Variants in HDAC9 observed in about 807,000 individuals in gnomAD.
HDAC9 encodes the protein MEF-2 interacting transcription repressor (MITR) protein.
In HDAC9, 41 loss-of-function variants were observed where a neutral mutation model predicts 139.4. That is an observed-to-expected ratio of 0.29 (90% CI 0.23 to 0.38). The LOEUF (loss-of-function observed/expected upper bound fraction) is 0.38. Ranked by LOEUF, HDAC9 falls within the 10% of genes least tolerant of loss-of-function variation. The probability of loss-of-function intolerance (pLI) is 1.00; values close to 1 mark genes in which losing one functional copy is unlikely to be tolerated. For missense variants in HDAC9, 1,147 were observed against 1,297.0 expected, an observed-to-expected ratio of 0.88 and a Z score of 1.78; for synonymous variants, 517 against 476.2, an observed-to-expected ratio of 1.09 and a Z score of -1.12.
At chr7:18,197,383 T>G (rs889068429) in intron 2 of HDAC9, among the ~76,000 whole-genome samples, 5 of 152,120 alleles carry the variant, frequency 3.3e-5, no homozygotes, top group African/African-American at 1.2e-4. Flanking sequence ...GGCAGTCAAT[T>G]TTGATGGAAA....
At chr7:18,840,216 A>G (rs1220755595) in intron 21 of HDAC9, among the ~76,000 whole-genome samples, 2 of 152,094 alleles carry the variant, frequency 1.3e-5, no homozygotes, top group Non-Finnish European at 2.9e-5. Context: ...GAAAGGTCAT[A>G]GAGCTCTTGA....
At chr7:18,723,700 A>T (rs1464020690) in intron 12 of HDAC9, among the ~76,000 whole-genome samples, 2 of 151,828 alleles carry the variant, frequency 1.3e-5, no homozygotes, top group African/African-American at 4.8e-5. Context: ...AAGTAGAACA[A>T]TACTTACTTA....
intron 2 of HDAC9, among the ~76,000 whole-genome samples, chr7:18,207,431 G>C (rs1244666420): frequency 1.3e-5 from 2 of 151,156 alleles, no homozygotes; most frequent in East Asian, 3.9e-4. Context: ...AATAAAGATA[G>C]GTTCTCACTC....
chr7:18,757,590 A>G (rs1788993080), intron 14 of HDAC9, among the ~76,000 whole-genome samples: 1 of 152,188 alleles, frequency 6.6e-6, no homozygotes, highest in South Asian at 2.1e-4. Flanking sequence ...TATTTTACAA[A>G]AGGTTCTGAT....
At chr7:18,381,086 C>G (rs774400815) in intron 1 of HDAC9, among the ~76,000 whole-genome samples, 1 of 149,020 alleles carries the variant, frequency 6.7e-6, no homozygotes, top group Non-Finnish European at 1.5e-5. Flanking sequence ...TAGTCCTGCA[C>G]TACTGGGGAG....
chr7:18,775,804 T>C (rs955412096), intron 16 of HDAC9, among the ~76,000 whole-genome samples: 5 of 152,144 alleles, frequency 3.3e-5, no homozygotes, highest in Admixed American at 2.6e-4. Flanking sequence ...TGGGAGTTCA[T>C]AGGACTAAGG....
chr7:18,359,345 C>CTAAAA (rs1040477565), intron 1 of HDAC9, among the ~76,000 whole-genome samples: 1 of 152,016 alleles, frequency 6.6e-6, no homozygotes, highest in South Asian at 2.1e-4. Flanking sequence ...GAGACTCTGT[C>CTAAAA]TAAAATAAAA....
chr7:18,792,864 A>T lies in HDAC9; in HGVS notation c.2215-481A>T, dbSNP rs146428982. On this transcript the variant is annotated intron_variant, in intron 16 of 25. Coordinates refer to ENST00000686413, the MANE Select transcript of HDAC9 (RefSeq NM_178425.4). ...GACTGCTGCTGCTACCTGCCTAATAATTGTGTTTGGCTCCCTGTAAACCTG... is the reference window on the plus strand; with the variant it reads ...GACTGCTGCTGCTACCTGCCTAATATTTGTGTTTGGCTCCCTGTAAACCTG... Among the ~76,000 whole-genome samples the T allele has an allele frequency of 7.6e-3, 1,160 of 152,194 alleles. 11 individuals are homozygous for T. Among genetic ancestry groups the T allele is most frequent in the African/African-American group, 0.026 (1,092 of 41,512 alleles).
At chr7:18,912,428 TTATC>T (rs1481800756) in intron 22 of HDAC9, among the ~76,000 whole-genome samples, 1 of 152,144 alleles carries the variant, frequency 6.6e-6, no homozygotes, top group Non-Finnish European at 1.5e-5. Context: ...TTTGTTTTCT[TTATC>T]AATAAATAAG....
chr7:18,796,344 C>G (rs1299724337), intron 17 of HDAC9, among the ~76,000 whole-genome samples: 3 of 152,196 alleles, frequency 2.0e-5, no homozygotes, highest in Admixed American at 2.0e-4. Context: ...AACCTCCTAA[C>G]TTTTGATAGG....
intron 21 of HDAC9, among the ~76,000 whole-genome samples, chr7:18,860,156 T>C (rs1346668417): frequency 1.3e-5 from 2 of 151,682 alleles, no homozygotes; most frequent in African/African-American, 2.4e-5. Flanking sequence ...AAGAAAGTAA[T>C]AACAAAAAAT....
chr7:18,920,047 G>T (rs1803555879), intron 22 of HDAC9, among the ~76,000 whole-genome samples: 1 of 152,126 alleles, frequency 6.6e-6, no homozygotes, highest in South Asian at 2.1e-4. Flanking sequence ...GTCATTGGTA[G>T]CTTGATGGGG....
At chr7:18,924,300 C>G (rs1405506276) in intron 22 of HDAC9, among the ~76,000 whole-genome samples, 1 of 151,922 alleles carries the variant, frequency 6.6e-6, no homozygotes. Flanking sequence ...AGCTTATATA[C>G]TATGGAATTC....
intron 6 of HDAC9, among the ~76,000 whole-genome samples, chr7:18,616,466 G>A (rs1394697975): frequency 6.6e-6 from 1 of 152,278 alleles, no homozygotes; most frequent in Non-Finnish European, 1.5e-5. Context: ...AAAGGATTCA[G>A]GGGAGGCCTG....
At chr7:18,309,065 A>G (rs1239766832) in intron 1 of HDAC9, among the ~76,000 whole-genome samples, 1 of 151,420 alleles carries the variant, frequency 6.6e-6, no homozygotes, top group Non-Finnish European at 1.5e-5. Context: ...GTCAATCCAT[A>G]TTACCCACAT....
chr7:18,946,036 C>CAAAATAAAAAAAAAAAAAAAAAAAAAAAA (rs1563077235), intron 23 of HDAC9, among the ~76,000 whole-genome samples: 2 of 38,276 alleles, frequency 5.2e-5, no homozygotes, highest in Non-Finnish European at 1.0e-4. Flanking sequence ...GACTCCGTCT[C>CAAAATAAAAAAAAAAAAAAAAAAAAAAAA]AAAAAAAAAA....
chr7:18,498,152 A>G (rs769390632), intron 2 of HDAC9, among the ~76,000 whole-genome samples: 28 of 152,248 alleles, frequency 1.8e-4, no homozygotes, highest in Non-Finnish European at 3.5e-4. Flanking sequence ...ATACATAATC[A>G]CTAAGTTCTA....
intron 2 of HDAC9, among the ~76,000 whole-genome samples, chr7:18,209,113 C>T (rs1445955834): frequency 6.6e-6 from 1 of 152,076 alleles, no homozygotes; most frequent in Non-Finnish European, 1.5e-5. Flanking sequence ...CTCCATAAAC[C>T]ACTGTAGGCA....
chr7:18,972,120 A>G (rs753372033), intron 24 of HDAC9, among the ~76,000 whole-genome samples: 4 of 152,224 alleles, frequency 2.6e-5, no homozygotes, highest in Non-Finnish European at 4.4e-5. Flanking sequence ...ATAGGCTCAT[A>G]GAAAAGAAAA....
Sources: gnomAD v4.1 joint callset for allele counts (sites outside exome capture counted in the v4.1 genomes callset) on GRCh38, gnomAD v4.1.1 for gene constraint, MANE v1.5 for transcripts, NCBI Gene and HGNC (gene_info 2026-07-23, HGNC 2026-07-21) for gene names.